Variants in LYZL1 observed in about 807,000 individuals in gnomAD.
The protein encoded by LYZL1 is lysozyme like 1.
A neutral mutation model predicts 17.9 loss-of-function variants in LYZL1; 16 were observed. The ratio of observed to expected loss-of-function variants is 0.90; its 90% CI spans 0.61 to 1.36. LYZL1 has a LOEUF of 1.36. Among genes scored for constraint, LYZL1 ranks in the 40% most tolerant of loss-of-function variants. LYZL1 has a pLI of 0.00. For missense variants in LYZL1, 149 were observed against 188.4 expected, an observed-to-expected ratio of 0.79 and a Z score of 1.22; for synonymous variants, 58 against 71.8, an observed-to-expected ratio of 0.81 and a Z score of 0.97.
exon 5 of LYZL1, chr10:29,318,195 C>G: frequency 1.0e-6 from 1 of 985,308 alleles, no homozygotes; most frequent in Non-Finnish European, 1.2e-6. Context: ...AAAAGTTAAA[C>G]TCAGCTAGAT....
chr10:29,309,936 A>G (rs1835647069), intron 3 of LYZL1, among the ~76,000 whole-genome samples, 174 bp from the exon 4 acceptor site: 1 of 152,236 alleles, frequency 6.6e-6, no homozygotes, highest in Non-Finnish European at 1.5e-5. Context: ...ACAACAACAA[A>G]AAGTTCTTTT....
intron 1 of LYZL1, among the ~76,000 whole-genome samples, chr10:29,289,519 A>G (rs1431732592): frequency 6.6e-6 from 1 of 150,716 alleles, no homozygotes; most frequent in Non-Finnish European, 1.5e-5. Flanking sequence ...CCCAGCCTCA[A>G]GTGATCCTCC....
At chr10:29,312,377 ATTT>A, downstream of LYZL1, among the ~76,000 whole-genome samples, 1 of 140,926 alleles carries the variant, frequency 7.1e-6, no homozygotes, top group African/African-American at 2.6e-5. Context: ...GCATTATGAG[ATTT>A]TTTTTTTTTG....
intron 3 of LYZL1, among the ~76,000 whole-genome samples, chr10:29,309,045 T>C (rs1835634729): frequency 6.6e-6 from 1 of 151,520 alleles, no homozygotes; most frequent in Non-Finnish European, 1.5e-5. Flanking sequence ...AAAAACACCC[T>C]AGACTGGGTG....
intron 3 of LYZL1, among the ~76,000 whole-genome samples, chr10:29,307,556 C>A (rs1330082577): frequency 1.3e-5 from 2 of 152,156 alleles, no homozygotes; most frequent in African/African-American, 4.8e-5. Context: ...CTAATGCCTG[C>A]CATATTGGCA....
chr10:29,298,463 G>A (rs368091880), intron 3 of LYZL1, among the ~76,000 whole-genome samples: 3 of 152,198 alleles, frequency 2.0e-5, no homozygotes, highest in African/African-American at 7.2e-5. Context: ...GGACATGGGA[G>A]ACCATTGACG....
chr10:29,291,879 G>A lies in LYZL1; in HGVS notation c.12G>A (p.Ala4=), dbSNP rs370459186. The A allele has an allele frequency of 4.9e-5, 78 of 1,580,338 alleles. No individual in the cohort carries two copies. Among genetic ancestry groups the A allele is most frequent in the Non-Finnish European group, 6.4e-5 (74 of 1,161,596 alleles). Reference sequence around the variant, plus strand: ...GGCAGGCTTTGAGGATGAAGGCTGCGGGCATTCTGACCCTCATTGGCTGCC... The same window carrying A: ...GGCAGGCTTTGAGGATGAAGGCTGCAGGCATTCTGACCCTCATTGGCTGCC... MKA[A]GILTLIGCLV... The change falls in exon 2 of 5, where the codon GCG becomes GCA. Residue 4 remains alanine, a synonymous_variant. Transcript: ENST00000649382.
intron 3 of LYZL1, among the ~76,000 whole-genome samples, chr10:29,304,582 C>T (rs1192312334): frequency 2.6e-5 from 4 of 152,082 alleles, no homozygotes; most frequent in Non-Finnish European, 5.9e-5. Flanking sequence ...GAAGAATAAA[C>T]GATTCTTTGC....
At chr10:29,289,376 C>A in intron 1 of LYZL1, 146 bp downstream of exon 1, 1 of 521,996 alleles carries the variant, frequency 1.9e-6, no homozygotes, top group Non-Finnish European at 3.2e-6. Flanking sequence ...TGGAAACCAA[C>A]TCTATTTGTA....
Position 29,289,389 on chromosome 10 carries a change from C to T in LYZL1, c.-26+159C>T, listed in dbSNP as rs190412156. Among the ~76,000 whole-genome samples, 10 of 151,004 alleles carry T rather than the reference C, an allele frequency of 6.6e-5. No homozygotes were observed. The East Asian group carries it at 1.9e-3, about 29-fold the overall frequency. ...GATGGAAACCAACTCTATTTGTAAG[C>T]TCTGTATCTTTTTTTCTTTTTTCTT... On this transcript the variant is annotated intron_variant, in intron 1 of 4. Transcript: ENST00000649382.
intron 3 of LYZL1, among the ~76,000 whole-genome samples, chr10:29,316,859 G>A (rs1317590228): frequency 1.3e-5 from 2 of 151,958 alleles, no homozygotes; most frequent in African/African-American, 4.8e-5. Context: ...TGGGACTACA[G>A]GCGTGAGCCA....
intron 3 of LYZL1, among the ~76,000 whole-genome samples, chr10:29,302,647 T>G (rs1192917590): frequency 6.6e-6 from 1 of 152,200 alleles, no homozygotes; most frequent in Non-Finnish European, 1.5e-5. Context: ...AAAGTCAAAA[T>G]GCGCATGTTC....
intron 3 of LYZL1, among the ~76,000 whole-genome samples, chr10:29,303,854 C>T (rs1200383442): frequency 1.3e-5 from 2 of 152,162 alleles, no homozygotes; most frequent in Non-Finnish European, 2.9e-5. Context: ...AAAAAGTTAG[C>T]ATTAGGGTGT....
downstream of LYZL1, among the ~76,000 whole-genome samples, chr10:29,311,701 G>A (rs893732434): frequency 2.0e-5 from 3 of 152,170 alleles, no homozygotes; most frequent in African/African-American, 7.2e-5. Flanking sequence ...AACATCACCA[G>A]GCACGGTGGC....
chr10:29,310,309 G>C (rs944628675), intron 4 of LYZL1, 121 bp downstream of exon 4: 2 of 705,566 alleles, frequency 2.8e-6, no homozygotes, highest in Non-Finnish European at 4.9e-6. Context: ...AATGGAAGGA[G>C]ACCTTGTCTA....
At chr10:29,306,316 C>T (rs1330863364) in intron 3 of LYZL1, among the ~76,000 whole-genome samples, 12 of 137,460 alleles carry the variant, frequency 8.7e-5, no homozygotes, top group East Asian at 2.0e-4. Context: ...TTTGGGAGGC[C>T]GAGGCGGGCG....
downstream of LYZL1, among the ~76,000 whole-genome samples, chr10:29,312,125 C>T (rs1835680701): frequency 6.6e-6 from 1 of 152,180 alleles, no homozygotes; most frequent in Non-Finnish European, 1.5e-5. Flanking sequence ...CATAGCAAGA[C>T]CCTGTCTCTA....
chr10:29,309,033 T>G (rs151168797), intron 3 of LYZL1, among the ~76,000 whole-genome samples: 1 of 151,488 alleles, frequency 6.6e-6, no homozygotes, highest in East Asian at 2.0e-4. Flanking sequence ...TTTTTGCATA[T>G]GAAAAACACC....
chr10:29,310,588 G>A (rs1190939928), intron 4 of LYZL1, among the ~76,000 whole-genome samples: 22 of 152,112 alleles, frequency 1.4e-4, no homozygotes, highest in Admixed American at 1.4e-3. Flanking sequence ...AGAATGAGCA[G>A]CAGCAAGAGG....
Sources: gnomAD v4.1 joint callset for allele counts (sites outside exome capture counted in the v4.1 genomes callset) on GRCh38, gnomAD v4.1.1 for gene constraint, MANE v1.5 for transcripts, NCBI Gene and HGNC (gene_info 2026-07-23, HGNC 2026-07-21) for gene names.